Variants in BCAS3 observed in about 807,000 individuals in gnomAD.
BCAS3 encodes the protein BCAS4/BCAS3 fusion.
A neutral mutation model predicts 116.1 loss-of-function variants in BCAS3; 53 were observed. That is an observed-to-expected ratio of 0.46 (90% confidence interval 0.37 to 0.57). The LOEUF (loss-of-function observed/expected upper bound fraction) is 0.57, where lower values mean the gene tolerates loss of function less well. BCAS3 is among the 20% of genes least tolerant of loss of function. The pLI, the probability that BCAS3 is intolerant of heterozygous loss-of-function variation, is 0.00. For missense variants in BCAS3, 917 were observed against 1,165.4 expected (o/e 0.79, Z 3.10); for synonymous variants, 391 against 408.2 (o/e 0.96, Z 0.51).
intron 15 of BCAS3, among the ~76,000 whole-genome samples, chr17:61,009,393 C>A (rs1032177229): frequency 6.6e-6 from 1 of 152,014 alleles, no homozygotes; most frequent in Non-Finnish European, 1.5e-5. Context: ...GTTTCTCATA[C>A]CTTCTGTTCC....
At chr17:60,699,862 CAA>C (rs34153475) in intron 4 of BCAS3, among the ~76,000 whole-genome samples, 122 of 68,510 alleles carry the variant, frequency 1.8e-3, no homozygotes, top group African/African-American at 3.3e-3. Context: ...GACTCCGTCT[CAA>C]AAAAAAAAAA....
chr17:60,814,306 T>TGCAC (rs1555731470), intron 7 of BCAS3, among the ~76,000 whole-genome samples: 1 of 148,198 alleles, frequency 6.7e-6, no homozygotes. Flanking sequence ...TGTGTGTGTG[T>TGCAC]GCGCGCGTGC....
rs566636741 is a variant in BCAS3 at position 61,097,374 on chromosome 17, T to G, written c.2425+12810T>G. On this transcript the variant is annotated intron_variant, in intron 22 of 23. Coordinates refer to ENST00000407086, the MANE Select transcript of BCAS3 (RefSeq NM_017679.5). The surrounding 1 kb of genome is among the most constrained non-coding windows in gnomAD (Gnocchi z 4.0). ...TTTGTATTTTTAATAGAGACGGGATTTCACCATGTTAGCCAGGATGGTCTC... is the reference window on the plus strand; with the variant it reads ...TTTGTATTTTTAATAGAGACGGGATGTCACCATGTTAGCCAGGATGGTCTC... Among the ~76,000 whole-genome samples, 6 of 152,254 alleles carry G rather than the reference T, an allele frequency of 3.9e-5. No individual in the cohort carries two copies. The highest frequency in any genetic ancestry group is 1.4e-4 in the African/African-American group (6 of 41,544).
rs1601847411 is a variant in BCAS3, at chr17:61,196,274, C to T, written c.2425+111710C>T. 6.6e-6 allele frequency among the ~76,000 whole-genome samples: 1 copy of T among 152,134 alleles called. No homozygotes were observed. Among genetic ancestry groups the T allele is most frequent in the Non-Finnish European group, 1.5e-5 (1 of 68,018 alleles). Reference sequence around the variant, plus strand: ...AGCTCTGGATTCTGTGACATTTGCCCAAAGGGAAACACCGGTCCCTTGGAT... The same window carrying T: ...AGCTCTGGATTCTGTGACATTTGCCTAAAGGGAAACACCGGTCCCTTGGAT... On this transcript the variant is annotated intron_variant, in intron 22 of 23. Coordinates refer to ENST00000407086, the MANE Select transcript of BCAS3 (RefSeq NM_017679.5). This position sits in a 1 kb window ranked among gnomAD's most constrained non-coding sequence, Gnocchi z 4.7.
At chr17:61,060,942 G>C (rs912482891) in intron 19 of BCAS3, among the ~76,000 whole-genome samples, 1 of 152,160 alleles carries the variant, frequency 6.6e-6, no homozygotes, top group Non-Finnish European at 1.5e-5. Context: ...GAGTAGGCAA[G>C]GAAGATCAAG....
At chr17:60,700,105 T>C (rs1392258872) in intron 4 of BCAS3, among the ~76,000 whole-genome samples, 4 of 150,680 alleles carry the variant, frequency 2.7e-5, no homozygotes, top group Non-Finnish European at 5.9e-5. Flanking sequence ...GCCCAGGAGG[T>C]TGAGGCTGTA....
At chr17:61,305,590 A>C (rs2053785470) in intron 22 of BCAS3, among the ~76,000 whole-genome samples, 1 of 152,216 alleles carries the variant, frequency 6.6e-6, no homozygotes, top group African/African-American at 2.4e-5. Context: ...TAGCTCATGG[A>C]AAGTGACCAA....
intron 14 of BCAS3, among the ~76,000 whole-genome samples, chr17:60,974,282 A>C (rs1215481625): frequency 6.6e-6 from 1 of 152,212 alleles, no homozygotes; most frequent in African/African-American, 2.4e-5. Flanking sequence ...TTAGATGCTG[A>C]AATGTAGTAA....
intron 22 of BCAS3, among the ~76,000 whole-genome samples, chr17:61,159,143 A>G (rs1270990131): frequency 2.6e-5 from 4 of 152,178 alleles, no homozygotes; most frequent in Non-Finnish European, 4.4e-5. Flanking sequence ...TGATTACTCC[A>G]TAAGAATTAC....
At chr17:61,262,313 A>G (rs558911297) in intron 22 of BCAS3, among the ~76,000 whole-genome samples, 5 of 152,326 alleles carry the variant, frequency 3.3e-5, no homozygotes, top group South Asian at 2.1e-4. Flanking sequence ...CAGGAAATGT[A>G]TAAGGCAAAG....
At chr17:60,769,570 G>T (rs2044451308) in intron 6 of BCAS3, among the ~76,000 whole-genome samples, 1 of 152,128 alleles carries the variant, frequency 6.6e-6, no homozygotes, top group Non-Finnish European at 1.5e-5. Context: ...CCGTGGGGAA[G>T]GGGGAGGGCC....
chr17:61,109,733 A>G (rs565955263), intron 22 of BCAS3, among the ~76,000 whole-genome samples: 53 of 152,280 alleles, frequency 3.5e-4, no homozygotes, highest in African/African-American at 1.3e-3. Flanking sequence ...CCATTTGTAT[A>G]TCTTCTTTTG....
Position 61,217,193 on chromosome 17 carries a change from G to C in BCAS3, c.2425+132629G>C, listed in dbSNP as rs1034206731. ...AGCTACTCAGGAGGCTGAGGCAGGA[G>C]AATCGCTTGAACCCAGGAGGCGGAG... is the stretch of plus-strand genomic sequence containing the variant. On this transcript the variant is annotated intron_variant, in intron 22 of 23. Transcript: ENST00000407086. The surrounding 1 kb of genome is among the most constrained non-coding windows in gnomAD (Gnocchi z 5.2). Among the ~76,000 whole-genome samples, 9 of 152,146 alleles carry C rather than the reference G, an allele frequency of 5.9e-5. No homozygotes were observed. Among genetic ancestry groups the C allele is most frequent in the African/African-American group, 1.7e-4 (7 of 41,430 alleles).
At chr17:61,329,487 C>T (rs1339444674) in intron 22 of BCAS3, among the ~76,000 whole-genome samples, 1 of 151,846 alleles carries the variant, frequency 6.6e-6, no homozygotes, top group Non-Finnish European at 1.5e-5. Flanking sequence ...ACTACAGGCG[C>T]CCGCCACCAC....
In BCAS3 at chr17:61,122,466, T is replaced by G. The variant is rs942902676; in HGVS notation, c.2425+37902T>G. On this transcript the variant is annotated intron_variant, in intron 22 of 23. Coordinates refer to ENST00000407086, the MANE Select transcript of BCAS3 (RefSeq NM_017679.5). The surrounding 1 kb of genome is among the most constrained non-coding windows in gnomAD (Gnocchi z 4.6). ...CAGCATTTGGCTGGAAGAGCTGTTG[T>G]AGAGGAGCTTCTTTAGATAGGAAGC... Among the ~76,000 whole-genome samples, 1 of 152,174 alleles carries G rather than the reference T, an allele frequency of 6.6e-6. No individual in the cohort carries two copies. The highest frequency in any genetic ancestry group is 1.5e-5 in the Non-Finnish European group (1 of 68,026).
intron 5 of BCAS3, among the ~76,000 whole-genome samples, chr17:60,717,177 G>C (rs1315566257): frequency 6.6e-6 from 1 of 151,774 alleles, no homozygotes; most frequent in African/African-American, 2.4e-5. Flanking sequence ...CTGAGGTGCA[G>C]AATATGTTTC....
At chr17:61,015,933 G>A (rs2065423290) in intron 16 of BCAS3, 32 bp downstream of exon 16, 14 of 1,595,936 alleles carry the variant, frequency 8.8e-6, no homozygotes, top group Non-Finnish European at 1.1e-5. Flanking sequence ...TTTTTTAACA[G>A]CTGTTTTATA....
chr17:60,950,545 C>CTCCT (rs915899630), intron 14 of BCAS3, among the ~76,000 whole-genome samples: 1 of 152,194 alleles, frequency 6.6e-6, no homozygotes, highest in Non-Finnish European at 1.5e-5. Context: ...TAGTCTTGAA[C>CTCCT]TCCTGGGTTA....
chr17:60,809,068 G>C (rs1181673361), intron 7 of BCAS3, among the ~76,000 whole-genome samples: 2 of 152,144 alleles, frequency 1.3e-5, no homozygotes, highest in Non-Finnish European at 2.9e-5. Flanking sequence ...CAGATCACTT[G>C]AGGTCAGGAG....
Sources: gnomAD v4.1 joint callset for allele counts (sites outside exome capture counted in the v4.1 genomes callset) on GRCh38, gnomAD v4.1.1 for gene constraint, Gnocchi (gnomAD v3.1) non-coding constraint, MANE v1.5 for transcripts, NCBI Gene and HGNC (gene_info 2026-07-23, HGNC 2026-07-21) for gene names.